Variants in ARHGAP6 observed in about 807,000 individuals in gnomAD.
ARHGAP6 encodes the protein Rho GTPase activating protein 6.
A neutral mutation model predicts 55.7 loss-of-function variants in ARHGAP6; 16 were observed. The observed-to-expected ratio is 0.29, with a 90% CI of 0.19 to 0.44. The LOEUF is 0.44. Ranked by LOEUF, ARHGAP6 falls within the 20% of genes least tolerant of loss-of-function variation. ARHGAP6 has a pLI of 1.00. For synonymous variants in ARHGAP6, 382 were observed against 360.9 expected, an observed-to-expected ratio of 1.06 and a Z score of -0.66; for missense variants, 698 against 808.9, an observed-to-expected ratio of 0.86 and a Z score of 1.66.
intron 1 of ARHGAP6, among the ~76,000 whole-genome samples, chrX:11,501,672 T>C (rs773856425): frequency 8.9e-6 from 1 of 111,975 alleles, no homozygotes; most frequent in East Asian, 2.8e-4. Context: ...TAACACTTAG[T>C]TTGTATGTCA....
At chrX:11,295,304 G>A (rs925396036) in intron 1 of ARHGAP6, among the ~76,000 whole-genome samples, 7 of 111,050 alleles carry the variant, frequency 6.3e-5, no homozygotes, top group African/African-American at 2.3e-4. Context: ...ACCCCTCAGG[G>A]GGTAAGATTT....
At chrX:11,658,846 A>T (rs1322599556) in intron 1 of ARHGAP6, among the ~76,000 whole-genome samples, 1 of 109,428 alleles carries the variant, frequency 9.1e-6, no homozygotes, top group Non-Finnish European at 1.9e-5. Context: ...ATGTAAGATA[A>T]GTATTTGTTT....
chrX:11,326,955 A>G (rs765472339), intron 1 of ARHGAP6, among the ~76,000 whole-genome samples: 1 of 111,739 alleles, frequency 8.9e-6, no homozygotes, highest in Non-Finnish European at 1.9e-5. Flanking sequence ...CCAATCATCC[A>G]CTGATTTCAT....
chrX:11,310,551 C>T (rs1023382024), intron 1 of ARHGAP6, among the ~76,000 whole-genome samples: 5 of 111,524 alleles, frequency 4.5e-5, no homozygotes, highest in Non-Finnish European at 9.4e-5. Context: ...ATGGATGAAC[C>T]CTGGGGACAT....
intron 1 of ARHGAP6, among the ~76,000 whole-genome samples, chrX:11,428,854 C>G (rs1457546714): frequency 8.9e-6 from 1 of 111,987 alleles, no homozygotes; most frequent in Non-Finnish European, 1.9e-5. Context: ...GCCAGGGGTG[C>G]AAGTGGCCTG....
At chrX:11,446,697 G>T (rs891910374) in intron 1 of ARHGAP6, among the ~76,000 whole-genome samples, 4 of 111,854 alleles carry the variant, frequency 3.6e-5, no homozygotes, top group African/African-American at 1.3e-4. Context: ...TCAGAGGGTG[G>T]CAACCTTAAT....
chrX:11,183,463 T>TA (rs1291427218), intron 5 of ARHGAP6, among the ~76,000 whole-genome samples: 1 of 112,097 alleles, frequency 8.9e-6, no homozygotes, highest in Admixed American at 9.5e-5. Context: ...AACTCATTTC[T>TA]AAAAAATTAG....
chrX:11,562,754 GTGACC>G (rs2051399764), intron 1 of ARHGAP6, among the ~76,000 whole-genome samples: 1 of 111,594 alleles, frequency 9.0e-6, no homozygotes, highest in East Asian at 2.8e-4. Flanking sequence ...AACACTAACA[GTGACC>G]TTCCCTCTGG....
At chrX:11,534,653 A>G (rs1331921912) in intron 1 of ARHGAP6, among the ~76,000 whole-genome samples, 1 of 110,413 alleles carries the variant, frequency 9.1e-6, no homozygotes, top group African/African-American at 3.3e-5. Flanking sequence ...CAGAAATACA[A>G]TGTGAACCAC....
At chrX:11,261,012 G>A (rs2047554642) in intron 1 of ARHGAP6, among the ~76,000 whole-genome samples, 1 of 111,417 alleles carries the variant, frequency 9.0e-6, no homozygotes, top group African/African-American at 3.3e-5. Context: ...GGCAGTACCT[G>A]GCACTTAACA....
intron 1 of ARHGAP6, among the ~76,000 whole-genome samples, chrX:11,477,066 C>T: frequency 9.1e-6 from 1 of 109,622 alleles, no homozygotes; most frequent in South Asian, 3.9e-4. Context: ...ATCCACAATA[C>T]TTATATCAGA....
intron 1 of ARHGAP6, among the ~76,000 whole-genome samples, chrX:11,407,157 ACC>A (rs2049620315): frequency 9.1e-6 from 1 of 109,926 alleles, no homozygotes; most frequent in Non-Finnish European, 1.9e-5. Flanking sequence ...ATTTTATCCC[ACC>A]CCCAGCCCTA....
At chrX:11,392,343 C>A (rs1281003109) in intron 1 of ARHGAP6, among the ~76,000 whole-genome samples, 1 of 111,405 alleles carries the variant, frequency 9.0e-6, no homozygotes, top group Non-Finnish European at 1.9e-5. Context: ...CCCAACCCCA[C>A]CCCATCACTC....
At chrX:11,501,622 C>T (rs1315911983) in intron 1 of ARHGAP6, among the ~76,000 whole-genome samples, 1 of 111,841 alleles carries the variant, frequency 8.9e-6, no homozygotes, top group African/African-American at 3.3e-5. Flanking sequence ...TAATGGCCTG[C>T]TATTGACCAG....
intron 2 of ARHGAP6, among the ~76,000 whole-genome samples, chrX:11,198,418 T>C (rs940114849): frequency 8.9e-6 from 1 of 112,101 alleles, no homozygotes; most frequent in African/African-American, 3.2e-5. Context: ...CTAGGGCCTG[T>C]CATGACTTAT....
At chrX:11,590,087 T>C (rs5978444) in intron 1 of ARHGAP6, among the ~76,000 whole-genome samples, 27,151 of 110,355 alleles carry the variant, frequency 0.25, 2,637 homozygotes, top group Middle Eastern at 0.33. Flanking sequence ...CAACTTATAC[T>C]GGCTCTCTGT....
At position 11,328,545 on chromosome X, in the gene ARHGAP6, G is replaced by A. The variant is rs760503990; in HGVS notation, c.589-73838C>T. 2.9e-4 allele frequency among the ~76,000 whole-genome samples: 32 copies of A among 112,127 alleles called. No homozygotes were observed. The South Asian group carries it at 0.012, about 42-fold the overall frequency. On this transcript the variant is annotated intron_variant, in intron 1 of 12. Transcript: ENST00000337414. ...CCAGTAACAGTTAACTGAATTCAGT[G>A]CCTGACCACCACCACTCTTTTCTGT...
chrX:11,521,791 C>T lies in ARHGAP6; in HGVS notation c.588+142450G>A, dbSNP rs759416219. ...GATATTGATTCTTCCTACCCATGAG[C>T]ATGGAATGTTCTTCCATTTCTTTGT... On this transcript the variant is annotated intron_variant, in intron 1 of 12. Transcript: ENST00000337414. 1.1e-3 allele frequency among the ~76,000 whole-genome samples: 117 copies of T among 111,142 alleles called. 1 individual carries two copies. The highest frequency in any genetic ancestry group is 3.5e-3 in the African/African-American group (108 of 30,510).
chrX:11,423,578 C>T (rs1222341196), intron 1 of ARHGAP6, among the ~76,000 whole-genome samples: 1 of 112,089 alleles, frequency 8.9e-6, no homozygotes, highest in Non-Finnish European at 1.9e-5. Flanking sequence ...TAGACCAGTA[C>T]AAGGAAGGAG....
Sources: allele counts gnomAD v4.1 joint callset (sites outside exome capture counted in the v4.1 genomes callset), GRCh38; gene constraint gnomAD v4.1.1; transcripts MANE v1.5; gene names NCBI Gene and HGNC (gene_info 2026-07-23, HGNC 2026-07-21).